The following FOXN3 variants were observed in gnomAD, a reference collection of about 807,000 sequenced individuals.
The protein encoded by FOXN3 is forkhead box protein N3.
In FOXN3, 7 loss-of-function variants were observed where a neutral mutation model predicts 38.4. The ratio of observed to expected loss-of-function variants is 0.18; its 90% CI spans 0.10 to 0.34. The LOEUF is 0.34. Among genes scored for constraint, FOXN3 ranks in the 10% least tolerant of loss-of-function variants. The pLI, the probability that FOXN3 is intolerant of heterozygous loss-of-function variation, is 1.00. For synonymous variants in FOXN3, 230 were observed against 242.2 expected, an observed-to-expected ratio of 0.95 and a Z score of 0.47; for missense variants, 456 against 613.4, an observed-to-expected ratio of 0.74 and a Z score of 2.71.
At chr14:89,463,845 C>T (rs113475313) in intron 1 of FOXN3, among the ~76,000 whole-genome samples, 4,076 of 149,918 alleles carry the variant, frequency 0.027, 70 homozygotes, top group South Asian at 0.045. Flanking sequence ...AGTGCAGTGA[C>T]GCAATCTCAG....
At position 89,555,838 on chromosome 14, in the gene FOXN3, G is replaced by GGGGTGT. The variant is rs1462914142; in HGVS notation, c.-15+63189_-15+63190insACACCC. On this transcript the variant is annotated intron_variant, in intron 1 of 6. Coordinates refer to the FOXN3 transcript ENST00000345097. ...TCATAAAGCTTACCTTCTAGTTCAT[G>GGGGTGT]GTGTGTGTGTGTGTGTGTGTGTGTG... 8.9e-5 allele frequency among the ~76,000 whole-genome samples: 8 copies of GGGGTGT among 89,700 alleles called. No individual in the cohort carries two copies. In the South Asian group the frequency reaches 3.3e-3, roughly 37 times the overall value. 58.8% of individuals were successfully genotyped at this position (89,700 alleles called of 152,430 possible).
intron 1 of FOXN3, among the ~76,000 whole-genome samples, chr14:89,450,774 A>G (rs1314782444): frequency 6.6e-6 from 1 of 151,982 alleles, no homozygotes; most frequent in Admixed American, 6.6e-5. Flanking sequence ...TTTAGTAGAG[A>G]CGGGGTTTCA....
intron 4 of FOXN3, among the ~76,000 whole-genome samples, chr14:89,221,470 T>TACAA (rs1884459079): frequency 6.6e-6 from 1 of 152,242 alleles, no homozygotes; most frequent in Admixed American, 6.5e-5. Flanking sequence ...TACCTTTGGT[T>TACAA]ACAGTCAGAT....
At chr14:89,459,232 A>G (rs1451801485) in intron 1 of FOXN3, among the ~76,000 whole-genome samples, 1 of 152,240 alleles carries the variant, frequency 6.6e-6, no homozygotes, top group Non-Finnish European at 1.5e-5. Context: ...ATAAAATGAC[A>G]AGATTATGAC....
At chr14:89,499,466 ATT>A (rs538696827) in intron 1 of FOXN3, among the ~76,000 whole-genome samples, 6 of 138,878 alleles carry the variant, frequency 4.3e-5, no homozygotes, top group Admixed American at 1.5e-4. Flanking sequence ...TTTGATTTTG[ATT>A]TTTTTTTTTT....
intron 4 of FOXN3, among the ~76,000 whole-genome samples, chr14:89,270,185 A>G (rs972207395): frequency 2.6e-5 from 4 of 152,216 alleles, no homozygotes; most frequent in Non-Finnish European, 5.9e-5. Flanking sequence ...CAGGACTCCT[A>G]TTCCACTCCT....
At chr14:89,360,508 C>T (rs1362672029) in intron 2 of FOXN3, among the ~76,000 whole-genome samples, 3 of 133,340 alleles carry the variant, frequency 2.2e-5, no homozygotes, top group Non-Finnish European at 4.6e-5. Flanking sequence ...GAGGGAAAAA[C>T]GGTGAGAGAG....
intron 2 of FOXN3, among the ~76,000 whole-genome samples, chr14:89,381,427 C>T (rs1890642555): frequency 6.6e-6 from 1 of 150,988 alleles, no homozygotes; most frequent in Non-Finnish European, 1.5e-5. Flanking sequence ...ACCATAAGAG[C>T]CCTCTCCAAC....
intron 3 of FOXN3, chr14:89,291,387 C>A (rs1024671262): frequency 3.3e-6 from 2 of 600,450 alleles, no homozygotes; most frequent in African/African-American, 3.7e-5. Flanking sequence ...GTCTCCATGT[C>A]ACCAGCAAGG....
In FOXN3 at chr14:89,163,217, C is replaced by T. The variant is rs990933543; in HGVS notation, c.852-248G>A. 2.0e-5 allele frequency among the ~76,000 whole-genome samples: 3 copies of T among 152,166 alleles called. No homozygotes were observed. The highest frequency in any genetic ancestry group is 2.9e-5 in the Non-Finnish European group (2 of 68,030). ...TTTCACTCCATTTGTGTGGCTGAGA[C>T]GTCAAAACAACAATCTTCTGAAGCG... On this transcript the variant is annotated intron_variant, in intron 5 of 5. Coordinates refer to ENST00000557258, the MANE Select transcript of FOXN3 (RefSeq NM_005197.4). The surrounding 1 kb of genome is among the most constrained non-coding windows in gnomAD (Gnocchi z 4.3).
chr14:89,416,272 T>A (rs554162317), intron 1 of FOXN3, among the ~76,000 whole-genome samples: 2 of 152,314 alleles, frequency 1.3e-5, no homozygotes, highest in South Asian at 2.1e-4. Context: ...CTTATCCCCA[T>A]ATACAGGGCA....
chr14:89,278,573 C>G (rs952546184), intron 4 of FOXN3, among the ~76,000 whole-genome samples: 2 of 152,178 alleles, frequency 1.3e-5, no homozygotes, highest in Admixed American at 6.5e-5. Context: ...ACTGGTCCCA[C>G]AGCACCCTAA....
chr14:89,409,315 C>T (rs1379949058), intron 2 of FOXN3: 3 of 141,856 alleles, frequency 2.1e-5, no homozygotes, highest in Non-Finnish European at 4.5e-5. Flanking sequence ...ATCTTCATCC[C>T]TGGAAAACAT....
At chr14:89,367,306 T>G (rs1890188225) in intron 2 of FOXN3, among the ~76,000 whole-genome samples, 2 of 152,170 alleles carry the variant, frequency 1.3e-5, no homozygotes, top group South Asian at 4.1e-4. Context: ...AAGCACTCAC[T>G]CCAACCATGA....
intron 1 of FOXN3, among the ~76,000 whole-genome samples, chr14:89,459,102 C>T (rs1173969156): frequency 2.0e-5 from 3 of 151,638 alleles, no homozygotes; most frequent in Non-Finnish European, 2.9e-5. Context: ...CACAGAGAAA[C>T]GTGCAGAGTG....
chr14:89,378,883 T>C lies in FOXN3; in HGVS notation c.544-28075A>G, dbSNP rs541670425. Among the ~76,000 whole-genome samples the C allele has an allele frequency of 2.6e-5, 4 of 152,176 alleles. No homozygotes were observed. In the South Asian group the frequency reaches 8.3e-4, roughly 32 times the overall value. Reference sequence around the variant, plus strand: ...CACCACGTCCAGCTAATTTTTGTATTTTTAGTAGAGACAGGGTTTCACCAT... The same window carrying C: ...CACCACGTCCAGCTAATTTTTGTATCTTTAGTAGAGACAGGGTTTCACCAT... On this transcript the variant is annotated intron_variant, in intron 2 of 5. Coordinates refer to ENST00000557258, the MANE Select transcript of FOXN3 (RefSeq NM_005197.4).
chr14:89,556,403 CAA>C (rs1370155737), intron 1 of FOXN3, among the ~76,000 whole-genome samples: 33 of 93,634 alleles, frequency 3.5e-4, no homozygotes, highest in Admixed American at 7.1e-4. Context: ...AACTCCATCT[CAA>C]AAAAAAAAAA....
intron 3 of FOXN3, among the ~76,000 whole-genome samples, chr14:89,310,478 C>T (rs908451863): frequency 3.3e-5 from 5 of 152,132 alleles, no homozygotes; most frequent in African/African-American, 7.2e-5. Context: ...TTCATTGGCA[C>T]GAAAGCCACT....
intron 4 of FOXN3, among the ~76,000 whole-genome samples, chr14:89,254,297 G>GC (rs1350740326): frequency 6.6e-6 from 1 of 152,220 alleles, no homozygotes; most frequent in African/African-American, 2.4e-5. Flanking sequence ...CCTGCCTTCT[G>GC]CAAGGCTGCT....
Sources: allele counts gnomAD v4.1 joint callset (sites outside exome capture counted in the v4.1 genomes callset), GRCh38; gene constraint gnomAD v4.1.1; non-coding constraint Gnocchi (gnomAD v3.1); transcripts MANE v1.5; gene names NCBI Gene and HGNC (gene_info 2026-07-23, HGNC 2026-07-21).